Variants in HECW2 observed in about 807,000 individuals in gnomAD.
The protein encoded by HECW2 is E3 ubiquitin-protein ligase HECW2.
In HECW2, 61 loss-of-function variants were observed where a neutral mutation model predicts 175.2. That is an observed-to-expected ratio of 0.35 (90% CI 0.28 to 0.43). The LOEUF (loss-of-function observed/expected upper bound fraction) is 0.43. Among genes scored for constraint, HECW2 ranks in the 20% least tolerant of loss-of-function variants. HECW2 has a pLI of 1.00. For missense variants in HECW2, 1,524 were observed against 2,000.5 expected (o/e 0.76, Z 4.54); for synonymous variants, 671 against 731.0 (o/e 0.92, Z 1.32).
intron 1 of HECW2, among the ~76,000 whole-genome samples, chr2:196,557,116 C>T (rs962048887): frequency 2.0e-5 from 3 of 152,146 alleles, no homozygotes; most frequent in African/African-American, 7.2e-5. Context: ...TTATGTCTGG[C>T]AGGGTGCAGT....
chr2:196,389,468 C>CATTA (rs1694444536), intron 2 of HECW2, among the ~76,000 whole-genome samples: 1 of 152,080 alleles, frequency 6.6e-6, no homozygotes, highest in African/African-American at 2.4e-5. Context: ...GTAAATAATA[C>CATTA]GAAAGCTCTG....
At chr2:196,487,377 T>G (rs911410435) in intron 1 of HECW2, among the ~76,000 whole-genome samples, 4 of 152,210 alleles carry the variant, frequency 2.6e-5, no homozygotes, top group African/African-American at 9.7e-5. Context: ...AGTGGTGCCA[T>G]GAGCTGTGGG....
At chr2:196,477,946 G>C (rs569695258) in intron 1 of HECW2, among the ~76,000 whole-genome samples, 2 of 152,250 alleles carry the variant, frequency 1.3e-5, no homozygotes, top group Admixed American at 6.5e-5. Context: ...CAGCTACTAG[G>C]GGGGCTGAGG....
Position 196,253,425 on chromosome 2 carries a change from T to C in HECW2, c.3529+495A>G, listed in dbSNP as rs140568251. 2.5e-3 allele frequency among the ~76,000 whole-genome samples: 377 copies of C among 152,366 alleles called. 1 individual carries two copies. Among genetic ancestry groups the C allele is most frequent in the African/African-American group, 8.5e-3 (353 of 41,586 alleles). On this transcript the variant is annotated intron_variant, in intron 19 of 28. Transcript: ENST00000644978. ...CAGGCCTATCTCTTTCAAAAAGAGA[T>C]TGAATGTACACATTTCAGGTTACCT...
intron 2 of HECW2, chr2:196,361,709 G>T: frequency 1.3e-6 from 1 of 779,820 alleles, no homozygotes; most frequent in Non-Finnish European, 1.6e-6. Context: ...ACTTTTAAGA[G>T]CTTTTCAAAG....
At chr2:196,579,940 G>T (rs1253615310) in intron 1 of HECW2, among the ~76,000 whole-genome samples, 1 of 152,152 alleles carries the variant, frequency 6.6e-6, no homozygotes, top group Non-Finnish European at 1.5e-5. Flanking sequence ...AATTTCTGTT[G>T]TGTAAGTCAC....
At chr2:196,484,294 G>C (rs974478790) in intron 1 of HECW2, among the ~76,000 whole-genome samples, 1 of 152,186 alleles carries the variant, frequency 6.6e-6, no homozygotes, top group African/African-American at 2.4e-5. Flanking sequence ...ACTCAGCTCA[G>C]TTACTCTAAT....
chr2:196,307,633 CTT>C (rs1691318583), intron 11 of HECW2, among the ~76,000 whole-genome samples: 1 of 152,142 alleles, frequency 6.6e-6, no homozygotes, highest in Non-Finnish European at 1.5e-5. Flanking sequence ...AGATGTTTGG[CTT>C]TAAATAACAA....
intron 2 of HECW2, among the ~76,000 whole-genome samples, chr2:196,408,346 T>C (rs557322973): frequency 6.6e-6 from 1 of 152,354 alleles, no homozygotes; most frequent in African/African-American, 2.4e-5. Flanking sequence ...CGTGATTCTA[T>C]GCAGATTTCT....
intron 1 of HECW2, among the ~76,000 whole-genome samples, chr2:196,581,613 T>C (rs756064450): frequency 6.6e-6 from 1 of 152,184 alleles, no homozygotes; most frequent in Non-Finnish European, 1.5e-5. Context: ...GGTATGTGAA[T>C]TATACCTCAA....
At chr2:196,435,655 C>A (rs6745575) in intron 1 of HECW2, among the ~76,000 whole-genome samples, 37,691 of 152,042 alleles carry the variant, frequency 0.25, 4,952 homozygotes, top group Middle Eastern at 0.32. Flanking sequence ...GACAGGTTAG[C>A]ACAGCAGCTA....
intron 19 of HECW2, among the ~76,000 whole-genome samples, chr2:196,248,601 C>CACAA (rs1559462994): frequency 1.3e-5 from 1 of 75,716 alleles, no homozygotes; most frequent in Admixed American, 1.3e-4. Context: ...CAGACAGACA[C>CACAA]ACACACACAC....
At chr2:196,433,840 G>A (rs944783335) in intron 1 of HECW2, among the ~76,000 whole-genome samples, 1 of 152,158 alleles carries the variant, frequency 6.6e-6, no homozygotes, top group African/African-American at 2.4e-5. Flanking sequence ...CTGCTGCAAT[G>A]AAATTTTAAA....
chr2:196,506,509 C>T (rs1172720937), intron 1 of HECW2, among the ~76,000 whole-genome samples: 1 of 152,038 alleles, frequency 6.6e-6, no homozygotes, highest in Non-Finnish European at 1.5e-5. Context: ...CTTCCCACCC[C>T]TGCCCCTTTT....
rs537534906 is a variant in HECW2, at chr2:196,198,605, T to C, written c.*2672A>G. The C allele has an allele frequency of 6.6e-6, 1 of 152,334 alleles. No homozygotes were observed. The highest frequency in any genetic ancestry group is 2.1e-4 in the South Asian group (1 of 4,832). The allele number at this position is 152,334 out of a possible 1,614,324, so 9.4% of individuals were successfully genotyped here. A position where few individuals can be genotyped will look rare whatever the true frequency, so the allele number is the denominator to read the frequency against. ...GCTTGTTCTCTCATCTAAGAGATGT[T>C]CTGCATACATATATGATGTATTAAG... On this transcript the variant is annotated 3_prime_UTR_variant, in exon 29 of 29. Coordinates refer to ENST00000644978, the MANE Select transcript of HECW2 (RefSeq NM_001348768.2).
rs1687638574 is a variant in HECW2, at chr2:196,220,809, G to A, written c.4279C>T (p.Arg1427Cys). 4.3e-6 allele frequency: 7 copies of A among 1,613,996 alleles called. No individual in the cohort carries two copies. The highest frequency in any genetic ancestry group is 2.2e-5 in the East Asian group (1 of 44,888). ...GVVQQTESLV[R>C]GFYEVVDARL... ...ATTGTCTTTACCTCATAGAAGCCACGCACTAAGCTCTCTGTTTGCTGTACA... is the reference window on the plus strand; with the variant it reads ...ATTGTCTTTACCTCATAGAAGCCACACACTAAGCTCTCTGTTTGCTGTACA... Residue 1427 changes from arginine (R) to cysteine (C), a missense_variant, in exon 25 of 29, where the codon CGT becomes TGT. Arg to Cys is a radical substitution (Grantham distance 180). Around this residue, in one of 11 missense-constraint regions of HECW2, gnomAD observed 134 missense variants for 287.8 expected, o/e 0.47. Transcript: ENST00000644978.
intron 1 of HECW2, among the ~76,000 whole-genome samples, chr2:196,503,179 A>G (rs944413626): frequency 5.3e-4 from 81 of 152,122 alleles, no homozygotes; most frequent in African/African-American, 1.9e-3. Flanking sequence ...GAGTGTGTAT[A>G]CTGGCTTCTC....
chr2:196,241,605 C>A (rs1230451791), intron 20 of HECW2, among the ~76,000 whole-genome samples: 1 of 152,082 alleles, frequency 6.6e-6, no homozygotes, highest in Non-Finnish European at 1.5e-5. Flanking sequence ...TTTCAGTTTC[C>A]CCATTTGAAA....
Position 196,433,326 on chromosome 2 carries a change from G to C in HECW2, c.98C>G (p.Ala33Gly), listed in dbSNP as rs2125272396. 6.2e-7 allele frequency: 1 copy of C among 1,614,146 alleles called. No homozygotes were observed. Among genetic ancestry groups the C allele is most frequent in the East Asian group, 2.2e-5 (1 of 44,870 alleles). ...CATGTTCTCTGGCATGGAGCTCTGG[G>C]CGGCAAGGCTCTGGAGGTTCTCTGG... ...LSPENLQSLA[A>G]QSSMPENMTL... The change falls in exon 2 of 29, where the codon GCC becomes GGC. Residue 33 changes from alanine (A) to glycine (G), a missense_variant. Ala to Gly is a moderately conservative substitution (Grantham distance 60). Around this residue, in one of 11 missense-constraint regions of HECW2, gnomAD observed 135 missense variants for 214.6 expected, o/e 0.63. Transcript: ENST00000644978.
Sources: allele counts gnomAD v4.1 joint callset (sites outside exome capture counted in the v4.1 genomes callset), GRCh38; gene constraint gnomAD v4.1.1; regional missense constraint gnomAD v4.1.1; transcripts MANE v1.5; gene names NCBI Gene and HGNC (gene_info 2026-07-23, HGNC 2026-07-21).